The following LDLRAD2 variants were observed in gnomAD, a reference collection of about 807,000 sequenced individuals.
LDLRAD2 encodes low density lipoprotein receptor class A domain containing 2, also known as low-density lipoprotein receptor class A domain-containing protein 2.
Under a neutral mutation model 24.9 loss-of-function variants are expected in LDLRAD2, and 25 were observed. The ratio of observed to expected loss-of-function variants is 1.00; its 90% CI spans 0.73 to 1.40. The LOEUF (loss-of-function observed/expected upper bound fraction) is 1.40. Ranked by LOEUF, LDLRAD2 falls within the 40% of genes most tolerant of loss-of-function variation. The probability of loss-of-function intolerance (pLI) is 0.00; values close to 1 mark genes in which losing one functional copy is unlikely to be tolerated. For synonymous variants in LDLRAD2, 182 were observed against 166.7 expected (o/e 1.09, Z -0.71); for missense variants, 391 against 366.2 (o/e 1.07, Z -0.55).
rs987435136 is a variant in LDLRAD2, at chr1:21,824,303, T to A, written c.*2088T>A. 6.2e-7 allele frequency: 1 copy of A among 1,613,816 alleles called. No homozygotes were observed. Among genetic ancestry groups the A allele is most frequent in the Non-Finnish European group, 8.5e-7 (1 of 1,179,952 alleles). ...AGAGGAAGGGCCAGGTGCCAGGACCTACCTGAAGACAAGGTGCCCGTCTTG... is the reference window on the plus strand; with the variant it reads ...AGAGGAAGGGCCAGGTGCCAGGACCAACCTGAAGACAAGGTGCCCGTCTTG... On this transcript the variant is annotated 3_prime_UTR_variant, in exon 5 of 5. Transcript: ENST00000344642. This position sits in a 1 kb window ranked among gnomAD's most constrained non-coding sequence, Gnocchi z 5.9.
At chr1:21,821,734 C>CT in intron 4 of LDLRAD2, 123 bp downstream of exon 4, 2 of 1,520,446 alleles carry the variant, frequency 1.3e-6, no homozygotes, top group Admixed American at 2.0e-5. Flanking sequence ...GCCCCCAGCT[C>CT]TGAGGGGTGG....
In LDLRAD2 at chr1:21,814,258, TA is replaced by T. The variant is rs2097941408; in HGVS notation, c.86-138del. On this transcript the variant is annotated intron_variant, in intron 1 of 4. Transcript: ENST00000344642. ...TCCTTACAATCATTCTGAGATTGAT[TA>T]ATCATCCCCATTTTACCGATGAGGA... The T allele has an allele frequency of 3.2e-5, 20 of 620,148 alleles. No individual in the cohort carries two copies. In the South Asian group the frequency reaches 3.8e-4, roughly 12 times the overall value. 38.4% of individuals were successfully genotyped at this position (620,148 alleles called of 1,614,324 possible). A position where few individuals can be genotyped will look rare whatever the true frequency, so the allele number is the denominator to read the frequency against.
chr1:21,823,435 T>C lies in LDLRAD2; in HGVS notation c.*1220T>C. On this transcript the variant is annotated 3_prime_UTR_variant, in exon 5 of 5. Coordinates refer to ENST00000344642, the MANE Select transcript of LDLRAD2 (RefSeq NM_001013693.3). ...AGCACCAGGTTCTTGACACAGCCTG[T>C]GATGCCTGAGGAGAATCTGCCCCCG... 1 of 1,591,112 alleles carries C rather than the reference T, an allele frequency of 6.3e-7. No homozygotes were observed. Among genetic ancestry groups the C allele is most frequent in the East Asian group, 2.3e-5 (1 of 44,214 alleles).
At position 21,823,615 on chromosome 1, in the gene LDLRAD2, C is replaced by G; in HGVS notation, c.*1400C>G. On this transcript the variant is annotated 3_prime_UTR_variant, in exon 5 of 5. Transcript: ENST00000344642. ...GCCCTGAGAAGGAGCCCCAGACTTACCGATGTAGACGCTGCCCTTGGCGTT... is the reference window on the plus strand; with the variant it reads ...GCCCTGAGAAGGAGCCCCAGACTTAGCGATGTAGACGCTGCCCTTGGCGTT... 1 of 1,613,384 alleles carries G rather than the reference C, an allele frequency of 6.2e-7. No individual in the cohort carries two copies. The highest frequency in any genetic ancestry group is 1.1e-5 in the South Asian group (1 of 91,076).
rs190196461 is a variant in LDLRAD2 at position 21,815,588 on chromosome 1, G to T, written c.512-355G>T. ...AGCTCAGGAATTCAAGACCAGCCTG[G>T]GTGACAGAGAGAGACCTGCCTAAAA... On this transcript the variant is annotated intron_variant, in intron 2 of 4. Transcript: ENST00000344642. Among the ~76,000 whole-genome samples, 4 of 152,076 alleles carry T rather than the reference G, an allele frequency of 2.6e-5. No homozygotes were observed. In the East Asian group the frequency reaches 7.7e-4, roughly 29 times the overall value.
In LDLRAD2 at chr1:21,821,634, C is replaced by T. The variant is rs771132676; in HGVS notation, c.805+23C>T. The T allele has an allele frequency of 4.3e-6, 7 of 1,609,752 alleles. No homozygotes were observed. The East Asian group carries it at 1.3e-4, about 31-fold the overall frequency. On this transcript the variant is annotated intron_variant, in intron 4 of 4. Transcript: ENST00000344642. ...AAGGTTACACCTTGCTCCTACTCTT[C>T]CCACCAAAATCATACCTGTCCCTCT... is the stretch of plus-strand genomic sequence containing the variant.
rs543277819 is a variant in LDLRAD2, at chr1:21,823,218, C to A, written c.*1003C>A. On this transcript the variant is annotated 3_prime_UTR_variant, in exon 5 of 5. Transcript: ENST00000344642. ...GTAGCAGCAAAGCGTGGCATCGCCT[C>A]GGTTTCTTACAAAAATTCATAATAA... 1 of 1,193,000 alleles carries A rather than the reference C, an allele frequency of 8.4e-7. No individual in the cohort carries two copies. The highest frequency in any genetic ancestry group is 1.1e-6 in the Non-Finnish European group (1 of 899,068). The allele number at this position is 1,193,000 out of a possible 1,614,324, so 73.9% of individuals were successfully genotyped here.
chr1:21,821,961 C>T, intron 4 of LDLRAD2: 1 of 1,424,166 alleles, frequency 7.0e-7, no homozygotes. Context: ...GAGGCCATCC[C>T]TAGAGGGGCT....
At chr1:21,814,276 C>A in intron 1 of LDLRAD2, 122 bp from the exon 2 acceptor site, 2 of 690,276 alleles carry the variant, frequency 2.9e-6, no homozygotes, top group Non-Finnish European at 4.7e-6. Flanking sequence ...CCCATTTTAC[C>A]GATGAGGAAA....
chr1:21,821,856 T>G, intron 4 of LDLRAD2: 1 of 1,426,610 alleles, frequency 7.0e-7, no homozygotes, highest in Non-Finnish European at 9.1e-7. Flanking sequence ...GGCCTCTGCC[T>G]CCACTGCAGC....
rs112222975 is a variant in LDLRAD2, at chr1:21,816,346, A to G, written c.643+272A>G. 7.6e-3 allele frequency among the ~76,000 whole-genome samples: 1,163 copies of G among 152,264 alleles called. 18 individuals are homozygous for G. Among genetic ancestry groups the G allele is most frequent in the African/African-American group, 0.027 (1,121 of 41,544 alleles). On this transcript the variant is annotated intron_variant, in intron 3 of 4. Transcript: ENST00000344642. ...TGGAGGCCCAAGACATTCAAAGGAG[A>G]TATCCTCTGCTTAACTGGATGGTGG... is the stretch of plus-strand genomic sequence containing the variant.
intron 3 of LDLRAD2, among the ~76,000 whole-genome samples, chr1:21,820,512 G>C (rs1405399276): frequency 8.6e-6 from 1 of 116,678 alleles, no homozygotes; most frequent in Non-Finnish European, 1.6e-5. Context: ...GACAGAGCGA[G>C]ACTCCGTCTC....
chr1:21,824,851 C>T lies in LDLRAD2; in HGVS notation c.*2636C>T. 2 of 1,373,646 alleles carry T rather than the reference C, an allele frequency of 1.5e-6. No individual in the cohort carries two copies. The highest frequency in any genetic ancestry group is 1.0e-6 in the Non-Finnish European group (1 of 983,624). The allele number at this position is 1,373,646 out of a possible 1,614,324, so 85.1% of individuals were successfully genotyped here. ...AAAATCCCCCGTCAGTTCCCCTGACCCCCACCTCCACGCCAACATGCAGGA... is the reference window on the plus strand; with the variant it reads ...AAAATCCCCCGTCAGTTCCCCTGACTCCCACCTCCACGCCAACATGCAGGA... On this transcript the variant is annotated 3_prime_UTR_variant, in exon 5 of 5. Coordinates refer to ENST00000344642, the MANE Select transcript of LDLRAD2 (RefSeq NM_001013693.3). The surrounding 1 kb of genome is among the most constrained non-coding windows in gnomAD (Gnocchi z 5.9).
chr1:21,814,891 G>C, intron 2 of LDLRAD2, 68 bp downstream of exon 2: 6 of 1,346,814 alleles, frequency 4.5e-6, no homozygotes, highest in Non-Finnish European at 4.8e-6. Context: ...GCCACAGTGG[G>C]GGCCCCGGTG....
At chr1:21,821,750 G>T in intron 4 of LDLRAD2, 139 bp downstream of exon 4, 1 of 1,485,568 alleles carries the variant, frequency 6.7e-7, no homozygotes. Context: ...GGTGGCGCTG[G>T]CCTCCTCGAT....
chr1:21,817,261 C>T (rs924994273), intron 3 of LDLRAD2, among the ~76,000 whole-genome samples: 1 of 152,226 alleles, frequency 6.6e-6, no homozygotes, highest in African/African-American at 2.4e-5. Context: ...GGTCTCCCTC[C>T]TTCTGTCCTT....
Position 21,822,184 on chromosome 1 carries a change from G to A in LDLRAD2, c.806-18G>A. On this transcript the variant is annotated intron_variant, in intron 4 of 4. Transcript: ENST00000344642. The stretch of plus-strand genomic sequence containing the variant: ...TTCACCCCCAGATCTCACCTGCCCT[G>A]CTCTGCCCCATCCACAGGCTCCACT... The A allele has an allele frequency of 1.2e-6, 2 of 1,614,148 alleles. No individual in the cohort carries two copies. Among genetic ancestry groups the A allele is most frequent in the Non-Finnish European group, 8.5e-7 (1 of 1,180,010 alleles).
At chr1:21,817,511 T>C (rs1398680209) in intron 3 of LDLRAD2, among the ~76,000 whole-genome samples, 2 of 152,076 alleles carry the variant, frequency 1.3e-5, no homozygotes, top group African/African-American at 4.8e-5. Flanking sequence ...CAGCTAATTT[T>C]TGTGTTTTCT....
intron 2 of LDLRAD2, among the ~76,000 whole-genome samples, 197 bp downstream of exon 2, chr1:21,815,020 G>A (rs2097942483): frequency 6.6e-6 from 1 of 152,128 alleles, no homozygotes; most frequent in African/African-American, 2.4e-5. Flanking sequence ...GGGACCTCCC[G>A]GATCCTAAGA....
Sources: allele counts gnomAD v4.1 joint callset (sites outside exome capture counted in the v4.1 genomes callset), GRCh38; gene constraint gnomAD v4.1.1; non-coding constraint Gnocchi (gnomAD v3.1); transcripts MANE v1.5; gene names NCBI Gene and HGNC (gene_info 2026-07-23, HGNC 2026-07-21).